SHROOM1: variants seen among roughly 807,000 people sequenced by gnomAD.
The protein encoded by SHROOM1 is protein Shroom1.
In SHROOM1, 53 loss-of-function variants were observed where a neutral mutation model predicts 64.2. The ratio of observed to expected loss-of-function variants is 0.83; its 90% CI spans 0.66 to 1.04. The LOEUF is 1.04. Ranked by LOEUF, SHROOM1 falls within the 50% of genes least tolerant of loss-of-function variation. The pLI is 0.00. For missense variants in SHROOM1, 1,179 were observed against 1,163.2 expected (o/e 1.01, Z -0.20); for synonymous variants, 490 against 518.9 (o/e 0.94, Z 0.76).
rs1166172098 is a variant in SHROOM1 at position 132,830,100 on chromosome 5, G to A, written c.-501+494C>T. On this transcript the variant is annotated intron_variant, in intron 1 of 9. Coordinates refer to ENST00000378679, the MANE Select transcript of SHROOM1 (RefSeq NM_001172700.2). This position sits in a 1 kb window ranked among gnomAD's most constrained non-coding sequence, Gnocchi z 5.9. The stretch of plus-strand genomic sequence containing the variant: ...GCAGGCCCCGGCGGCCGCAGGGGGC[G>A]GCAGAGACACGCGGAGCGGCTCGAC... 8 of 985,174 alleles carry A rather than the reference G, an allele frequency of 8.1e-6. No individual in the cohort carries two copies. The highest frequency in any genetic ancestry group is 7.2e-6 in the Non-Finnish European group (6 of 829,900). 61.0% of individuals were successfully genotyped at this position (985,174 alleles called of 1,614,324 possible).
chr5:132,828,119 A>T (rs1246613368), intron 1 of SHROOM1, among the ~76,000 whole-genome samples: 5 of 152,086 alleles, frequency 3.3e-5, no homozygotes, highest in Non-Finnish European at 5.9e-5. Context: ...ACCAAAAAGC[A>T]GGCTTATTTG....
At position 132,823,975 on chromosome 5, in the gene SHROOM1, G is replaced by A. The variant is rs34046018; in HGVS notation, c.1686C>T (p.Ser562=). Residue 562 remains serine (S), a synonymous_variant, in exon 7 of 10, where the codon TCC becomes TCT. Coordinates refer to ENST00000378679, the MANE Select transcript of SHROOM1 (RefSeq NM_001172700.2). This position sits in a 1 kb window ranked among gnomAD's most constrained non-coding sequence, Gnocchi z 4.6. ...LDPSLCDPLA[S]QPSPEPPLGL... is the part of the protein sequence containing the mutation. ...CCAGGGGTGGCTCTGGGCTGGGCTG[G>A]GAAGCAAGAGGGTCACATAGAGAGG... The A allele has an allele frequency of 2.7e-4, 429 of 1,604,188 alleles. 1 individual carries two copies. In the African/African-American group the frequency reaches 5.0e-3, roughly 19 times the overall value.
In SHROOM1 at chr5:132,823,810, A is replaced by G; in HGVS notation, c.1811+40T>C. On this transcript the variant is annotated intron_variant, in intron 7 of 9. Coordinates refer to ENST00000378679, the MANE Select transcript of SHROOM1 (RefSeq NM_001172700.2). The surrounding 1 kb of genome is among the most constrained non-coding windows in gnomAD (Gnocchi z 4.6). ...CCCTGGGTTTCCTGTCCCCAACTTC[A>G]GGGGCTCAGTGTCCAGATTCCCTAG... 1.3e-6 allele frequency: 2 copies of G among 1,530,388 alleles called. No individual in the cohort carries two copies. The highest frequency in any genetic ancestry group is 1.8e-6 in the Non-Finnish European group (2 of 1,139,146). 94.8% of individuals were successfully genotyped at this position (1,530,388 alleles called of 1,614,324 possible).
At position 132,823,499 on chromosome 5, in the gene SHROOM1, T is replaced by C. The variant is rs755212179; in HGVS notation, c.1977A>G (p.Gln659=). 1.1e-5 allele frequency: 18 copies of C among 1,602,740 alleles called. No homozygotes were observed. The South Asian group carries it at 2.0e-4, about 18-fold the overall frequency. Residue 659 remains glutamine, a synonymous_variant, in exon 9 of 10, where the codon CAA becomes CAG. Transcript: ENST00000378679. The surrounding 1 kb of genome is among the most constrained non-coding windows in gnomAD (Gnocchi z 4.6). Reference sequence around the variant, plus strand: ...CCGTGTGAAGGTCCTGAAGCATCTTTTGGAGGCGGGCGGCCAGCTCCACCT... The same window carrying C: ...CCGTGTGAAGGTCCTGAAGCATCTTCTGGAGGCGGGCGGCCAGCTCCACCT... ...GKKVELAARL[Q]KMLQDLHTEQ...
chr5:132,828,679 A>G (rs970137012), intron 1 of SHROOM1, among the ~76,000 whole-genome samples: 3 of 152,214 alleles, frequency 2.0e-5, no homozygotes, highest in African/African-American at 7.2e-5. Context: ...CTTATTTGTG[A>G]GTTACTATGT....
rs754707337 is a variant in SHROOM1, at chr5:132,825,030, G to C, written c.1022C>G (p.Thr341Ser). The C allele has an allele frequency of 2.5e-6, 4 of 1,614,100 alleles. No homozygotes were observed. In the Admixed American group the frequency reaches 5.0e-5, roughly 20 times the overall value. Residue 341 changes from threonine to serine, a missense_variant, in exon 5 of 10, where the codon ACC becomes AGC. Coordinates refer to ENST00000378679, the MANE Select transcript of SHROOM1 (RefSeq NM_001172700.2). The surrounding 1 kb of genome is among the most constrained non-coding windows in gnomAD (Gnocchi z 5.1). The stretch of plus-strand genomic sequence containing the variant: ...CCGTGTCTCTCACCTGGAAAGTTTG[G>C]TCTGAAACAATGGTCTGGGGGTTTC... ...GAETPRPLFQ[T>S]KLSRFLPQKE...
At position 132,830,578 on chromosome 5, in the gene SHROOM1, C is replaced by T. The variant is rs1009466799; in HGVS notation, c.-501+16G>A. On this transcript the variant is annotated intron_variant, in intron 1 of 9. Transcript: ENST00000378679. This position sits in a 1 kb window ranked among gnomAD's most constrained non-coding sequence, Gnocchi z 5.9. ...CCCAGCCGCCCGCTTCCCGCTCCCC[C>T]GCCCCCGCCGCGTACCTGAGGCTCC... 2 of 985,654 alleles carry T rather than the reference C, an allele frequency of 2.0e-6. No individual in the cohort carries two copies. Among genetic ancestry groups the T allele is most frequent in the South Asian group, 9.2e-5 (2 of 21,660 alleles). The allele number at this position is 985,654 out of a possible 1,614,324, so 61.1% of individuals were successfully genotyped here. A position where few individuals can be genotyped will look rare whatever the true frequency, so the allele number is the denominator to read the frequency against.
chr5:132,822,520 C>T lies in SHROOM1; in HGVS notation c.*276G>A. 3.2e-6 allele frequency: 1 copy of T among 311,338 alleles called. No homozygotes were observed. The highest frequency in any genetic ancestry group is 4.5e-5 in the South Asian group (1 of 22,192). 19.3% of individuals were successfully genotyped at this position (311,338 alleles called of 1,614,324 possible). A position where few individuals can be genotyped will look rare whatever the true frequency, so the allele number is the denominator to read the frequency against. ...CTGGCAATACAGGCACCCGCCACCA[C>T]GCCCGGCTAATTTTTTATATTTTTA... On this transcript the variant is annotated 3_prime_UTR_variant, in exon 10 of 10. Transcript: ENST00000378679.
intron 1 of SHROOM1, chr5:132,829,761 C>A: frequency 1.0e-6 from 1 of 985,454 alleles, no homozygotes; most frequent in Non-Finnish European, 1.2e-6. Context: ...ACCCAGTACC[C>A]GCAGCTGGGT....
chr5:132,823,029 C>G lies in SHROOM1; in HGVS notation c.2326G>C (p.Val776Leu). 1 of 1,601,068 alleles carries G rather than the reference C, an allele frequency of 6.2e-7. No homozygotes were observed. The highest frequency in any genetic ancestry group is 8.5e-7 in the Non-Finnish European group (1 of 1,179,208). Residue 776 changes from valine to leucine, a missense_variant, in exon 10 of 10, where the codon GTG becomes CTG. Coordinates refer to ENST00000378679, the MANE Select transcript of SHROOM1 (RefSeq NM_001172700.2). This position sits in a 1 kb window ranked among gnomAD's most constrained non-coding sequence, Gnocchi z 4.6. ...TCCACCGGTAGTGCTCGCACCAGCA[C>G]CTCCCGCACGGCCCGCTCGCGCCGC... Reference protein sequence around the residue: ...VARRERAVREVLVRALPVEEL... With the variant: ...VARRERAVRELLVRALPVEEL...
chr5:132,822,969 T>G lies in SHROOM1; in HGVS notation c.2386A>C (p.Lys796Gln), dbSNP rs1758498128. The G allele has an allele frequency of 6.2e-7, 1 of 1,610,160 alleles. No individual in the cohort carries two copies. The change falls in exon 10 of 10, where the codon AAG becomes CAG. Residue 796 changes from lysine to glutamine, a missense_variant. By Grantham distance (53) the Lys-to-Gln change is moderately conservative. Coordinates refer to ENST00000378679, the MANE Select transcript of SHROOM1 (RefSeq NM_001172700.2). ...CGCTGCTGGGCCAGGACGGCGGCCT[T>G]GCCCGCCAGCAGGGCGCAATAGACG... ...LRVYCALLAG[K>Q]AAVLAQQRNL...
rs1374976897 is a variant in SHROOM1 at position 132,822,923 on chromosome 5, C to A, written c.2432G>T (p.Arg811Leu). 1.9e-6 allele frequency: 3 copies of A among 1,612,970 alleles called. No individual in the cohort carries two copies. The highest frequency in any genetic ancestry group is 2.5e-6 in the Non-Finnish European group (3 of 1,179,944). The change falls in exon 10 of 10, where the codon CGC (arginine) becomes CTC (leucine). Residue 811 changes from arginine (R) to leucine (L), a missense_variant. Physicochemically the swap from Arg to Leu is moderately radical, Grantham distance 102. Coordinates refer to ENST00000378679, the MANE Select transcript of SHROOM1 (RefSeq NM_001172700.2). Reference protein sequence around the residue: ...AQQRNLDERIRLLQDQLDAIR... With the variant: ...AQQRNLDERILLLQDQLDAIR... ...GGCGTCCAGTTGGTCCTGAAGGAGG[C>A]GGATGCGCTCGTCCAGGTTGCGCTG...
chr5:132,827,830 A>G (rs1207370339), intron 1 of SHROOM1, among the ~76,000 whole-genome samples: 1 of 152,202 alleles, frequency 6.6e-6, no homozygotes, highest in African/African-American at 2.4e-5. Flanking sequence ...GACACTGGCC[A>G]GGTTCCTCAT....
Position 132,822,703 on chromosome 5 carries a change from ATCCCTCAAGGGAAAAGCAGAGAC to A in SHROOM1, c.*70_*92del. The A allele has an allele frequency of 4.3e-6, 6 of 1,385,894 alleles. No individual in the cohort carries two copies. The highest frequency in any genetic ancestry group is 5.2e-4 in the Middle Eastern group (2 of 3,854). The allele number at this position is 1,385,894 out of a possible 1,614,324, so 85.8% of individuals were successfully genotyped here. A position where few individuals can be genotyped will look rare whatever the true frequency, so the allele number is the denominator to read the frequency against. On this transcript the variant is annotated 3_prime_UTR_variant, in exon 10 of 10. Transcript: ENST00000378679. ...AAAGGCCTGGACTGGGTCCTCCCCA[ATCCCTCAAGGGAAAAGCAGAGAC>A]TAAATCAGCATCACCCCACTTACGT...
rs942000788 is a variant in SHROOM1 at position 132,823,976 on chromosome 5, G to A, written c.1685C>T (p.Ser562Phe). The A allele has an allele frequency of 2.5e-6, 4 of 1,604,374 alleles. No homozygotes were observed. Among genetic ancestry groups the A allele is most frequent in the Admixed American group, 3.4e-5 (2 of 59,340 alleles). The change falls in exon 7 of 10, where the codon TCC becomes TTC. Residue 562 changes from serine (S) to phenylalanine (F), a missense_variant. Transcript: ENST00000378679. This position sits in a 1 kb window ranked among gnomAD's most constrained non-coding sequence, Gnocchi z 4.6. ...CAGGGGTGGCTCTGGGCTGGGCTGG[G>A]AAGCAAGAGGGTCACATAGAGAGGG... The part of the protein sequence containing the change: ...LDPSLCDPLA[S>F]QPSPEPPLGL...
Position 132,825,756 on chromosome 5 carries a change from C to A in SHROOM1, c.385G>T (p.Ala129Ser). Residue 129 changes from alanine to serine, a missense_variant, in exon 4 of 10, where the codon GCC becomes TCC. Transcript: ENST00000378679. The surrounding 1 kb of genome is among the most constrained non-coding windows in gnomAD (Gnocchi z 5.1). The stretch of plus-strand genomic sequence containing the variant: ...GAGGCCGGCGGGCTGGGCGGCTCGG[C>A]AGCCTGCGCCGCGGCCTCCGCCTCG... ...AAEAEAAAQA[A>S]EPPSPPASRA... 1 of 1,245,690 alleles carries A rather than the reference C, an allele frequency of 8.0e-7. No homozygotes were observed. Among genetic ancestry groups the A allele is most frequent in the Middle Eastern group, 3.1e-4 (1 of 3,238 alleles). 77.2% of individuals were successfully genotyped at this position (1,245,690 alleles called of 1,614,324 possible).
rs1326334660 is a variant in SHROOM1 at position 132,825,832 on chromosome 5, G to A, written c.309C>T (p.Thr103=). Residue 103 remains threonine (T), a synonymous_variant, in exon 4 of 10, where the codon ACC becomes ACT. Coordinates refer to ENST00000378679, the MANE Select transcript of SHROOM1 (RefSeq NM_001172700.2). The surrounding 1 kb of genome is among the most constrained non-coding windows in gnomAD (Gnocchi z 5.1). ...SGPQPTEVPG[T]PGPLNRQATP... ...TGGCCTGCCTGTTCAGTGGTCCCGG[G>A]GTCCCCGGGACCTCTGTTGGCTGCG... 9.5e-6 allele frequency: 12 copies of A among 1,263,672 alleles called. No individual in the cohort carries two copies. Among genetic ancestry groups the A allele is most frequent in the Admixed American group, 4.2e-5 (1 of 23,676 alleles). The allele number at this position is 1,263,672 out of a possible 1,614,324, so 78.3% of individuals were successfully genotyped here.
At position 132,823,217 on chromosome 5, in the gene SHROOM1, G is replaced by T. The variant is rs199853359; in HGVS notation, c.2226+33C>A. The T allele has an allele frequency of 3.1e-5, 49 of 1,571,448 alleles. No individual in the cohort carries two copies. Among genetic ancestry groups the T allele is most frequent in the African/African-American group, 5.4e-5 (4 of 74,120 alleles). ...AGCCGGAGACAGCAGGCCCCTCACC[G>T]CCCTACTCGCTTGCAACCTGAACCC... On this transcript the variant is annotated intron_variant, in intron 9 of 9. Coordinates refer to ENST00000378679, the MANE Select transcript of SHROOM1 (RefSeq NM_001172700.2). The surrounding 1 kb of genome is among the most constrained non-coding windows in gnomAD (Gnocchi z 4.6).
At chr5:132,824,499 C>A (rs57020248) in intron 6 of SHROOM1, 80 bp from the exon 7 acceptor site, 115 of 1,517,588 alleles carry the variant, frequency 7.6e-5, no homozygotes, top group Non-Finnish European at 9.9e-5. Context: ...TCTGTCCCTA[C>A]CCCCATCACC....
Sources: gnomAD v4.1 joint callset for allele counts (sites outside exome capture counted in the v4.1 genomes callset) on GRCh38, gnomAD v4.1.1 for gene constraint, Gnocchi (gnomAD v3.1) non-coding constraint, MANE v1.5 for transcripts, NCBI Gene and HGNC (gene_info 2026-07-23, HGNC 2026-07-21) for gene names.